The following OR51B5 variants were observed in gnomAD, a reference collection of about 807,000 sequenced individuals.
OR51B5 encodes olfactory receptor family 51 subfamily B member 5, also known as olfactory receptor 51B5.
For synonymous variants in OR51B5, 186 were observed against 144.8 expected (o/e 1.28, Z -2.04); for missense variants, 456 against 374.6 (o/e 1.22, Z -1.79).
chr11:5,370,782 G>T (rs1041784070), intron 1 of OR51B5, among the ~76,000 whole-genome samples: 4 of 152,118 alleles, frequency 2.6e-5, no homozygotes, highest in African/African-American at 9.7e-5. Flanking sequence ...TCATATAGCT[G>T]CTATGAAAGA....
At chr11:5,439,240 G>C (rs947925951) in intron 1 of OR51B5, among the ~76,000 whole-genome samples, 2 of 152,080 alleles carry the variant, frequency 1.3e-5, no homozygotes, top group Non-Finnish European at 2.9e-5. Flanking sequence ...CACAATATGG[G>C]ATTATGACTG....
chr11:5,385,944 C>CA (rs1564795731), intron 1 of OR51B5, among the ~76,000 whole-genome samples: 2 of 147,936 alleles, frequency 1.4e-5, no homozygotes, highest in East Asian at 3.9e-4. Context: ...TAAGTATGTT[C>CA]TATATATATA....
exon 1 of OR51B5, chr11:5,342,945 G>C: frequency 6.2e-7 from 1 of 1,613,766 alleles, no homozygotes; most frequent in South Asian, 1.1e-5. Flanking sequence ...GGGTACAGTC[G>C]GTTGAAGGTG....
chr11:5,342,904 CAGCACAAATATAAAGACTACA>C, exon 1 of OR51B5: 1 of 1,613,832 alleles, frequency 6.2e-7, no homozygotes, highest in Non-Finnish European at 8.5e-7. Context: ...TCAGATAATC[CAGCACAAATATAAAGACTACA>C]AGCACAGCTG....
chr11:5,496,154 T>C (rs907927961), intron 1 of OR51B5, among the ~76,000 whole-genome samples: 5 of 152,024 alleles, frequency 3.3e-5, no homozygotes, highest in Admixed American at 2.0e-4. Context: ...GTAGTCCACG[T>C]TGACTCTCAA....
chr11:5,423,239 A>G, intron 1 of OR51B5: 1 of 1,417,836 alleles, frequency 7.1e-7, no homozygotes, highest in Non-Finnish European at 9.2e-7. Flanking sequence ...CTATAAAATA[A>G]AACTTCATCA....
At chr11:5,397,872 TA>T (rs1167963554) in intron 1 of OR51B5, among the ~76,000 whole-genome samples, 2 of 151,486 alleles carry the variant, frequency 1.3e-5, no homozygotes, top group Non-Finnish European at 2.9e-5. Flanking sequence ...TATGCAGCCA[TA>T]AAAAATGATG....
intron 1 of OR51B5, among the ~76,000 whole-genome samples, chr11:5,369,270 CAT>C (rs1217795513): frequency 6.6e-6 from 1 of 152,076 alleles, no homozygotes; most frequent in Admixed American, 6.6e-5. Flanking sequence ...TATGTATGCC[CAT>C]GTGTGTGGGG....
At chr11:5,444,257 T>A (rs891363033) in intron 1 of OR51B5, among the ~76,000 whole-genome samples, 5 of 152,144 alleles carry the variant, frequency 3.3e-5, no homozygotes, top group South Asian at 2.1e-4. Flanking sequence ...AGTCATTTGG[T>A]TCTGTAACTT....
chr11:5,485,694 TC>T (rs1161532376), intron 1 of OR51B5, among the ~76,000 whole-genome samples: 1 of 152,134 alleles, frequency 6.6e-6, no homozygotes, highest in Non-Finnish European at 1.5e-5. Context: ...GCACTTGCTG[TC>T]CCCCTGTCTG....
intron 1 of OR51B5, chr11:5,489,312 G>A (rs200185707): frequency 6.2e-7 from 1 of 1,613,994 alleles, no homozygotes; most frequent in East Asian, 2.2e-5. Flanking sequence ...TTGTCTATGG[G>A]CTAACTGTGG....
At chr11:5,444,614 T>C (rs953681239) in intron 1 of OR51B5, among the ~76,000 whole-genome samples, 1 of 152,146 alleles carries the variant, frequency 6.6e-6, no homozygotes, top group African/African-American at 2.4e-5. Flanking sequence ...ACTCACTGGA[T>C]GGAAGATGCT....
chr11:5,477,851 G>A (rs416948), intron 1 of OR51B5, among the ~76,000 whole-genome samples: 89,432 of 151,822 alleles, frequency 0.59, 26,777 homozygotes, highest in South Asian at 0.66. Flanking sequence ...CACCTGGCTC[G>A]GAGGGTCCTA....
At chr11:5,453,397 C>G in intron 1 of OR51B5, 1 of 869,068 alleles carries the variant, frequency 1.2e-6, no homozygotes, top group Non-Finnish European at 1.7e-6. Flanking sequence ...TGTCTCTTAT[C>G]TCCTGATTTC....
intron 1 of OR51B5, among the ~76,000 whole-genome samples, chr11:5,424,697 C>A (rs905469812): frequency 4.0e-4 from 60 of 151,882 alleles, no homozygotes; most frequent in Non-Finnish European, 1.2e-4. Context: ...AAGTGAAAGG[C>A]AGGGCCTGGC....
At chr11:5,343,043 A>T in exon 1 of OR51B5, 1 of 1,613,842 alleles carries the variant, frequency 6.2e-7, no homozygotes, top group Non-Finnish European at 8.5e-7. Flanking sequence ...AAAAAAATAG[A>T]GGGGCCTGAT....
chr11:5,476,348 A>C (rs1851305070), intron 1 of OR51B5, among the ~76,000 whole-genome samples: 1 of 152,210 alleles, frequency 6.6e-6, no homozygotes, highest in Non-Finnish European at 1.5e-5. Flanking sequence ...CACAAATCAC[A>C]CAAGTGACAA....
intron 1 of OR51B5, among the ~76,000 whole-genome samples, chr11:5,349,012 G>A (rs528127212): frequency 7.9e-5 from 12 of 152,270 alleles, no homozygotes; most frequent in South Asian, 2.1e-4. Flanking sequence ...TCCTGCTGAG[G>A]TGTCTGCATA....
chr11:5,391,308 TG>T (rs1229041702), intron 1 of OR51B5: 2 of 152,222 alleles, frequency 1.3e-5, no homozygotes, highest in Non-Finnish European at 2.9e-5. Flanking sequence ...CCCTTTCCAA[TG>T]GTAAAGCACC....
Sources: gnomAD v4.1 joint callset for allele counts (sites outside exome capture counted in the v4.1 genomes callset) on GRCh38, gnomAD v4.1.1 for gene constraint, MANE v1.5 for transcripts, NCBI Gene and HGNC (gene_info 2026-07-23, HGNC 2026-07-21) for gene names.